SART3: variants seen among roughly 807,000 people sequenced by gnomAD.
The protein encoded by SART3 is HIV-1 Tat-interacting protein of 110kDa.
Under a neutral mutation model 122.3 loss-of-function variants are expected in SART3, and 44 were observed. The observed-to-expected ratio is 0.36, with a 90% CI of 0.28 to 0.46. The LOEUF is 0.46. Among genes scored for constraint, SART3 ranks in the 20% least tolerant of loss-of-function variants. The pLI, the probability that SART3 is intolerant of heterozygous loss-of-function variation, is 1.00. For synonymous variants in SART3, 442 were observed against 454.0 expected (o/e 0.97, Z 0.34); for missense variants, 1,101 against 1,229.0 (o/e 0.90, Z 1.56).
chr12:108,526,320 C>G lies in SART3; in HGVS notation c.2149G>C (p.Glu717Gln). 6.2e-7 allele frequency: 1 copy of G among 1,614,202 alleles called. No homozygotes were observed. The highest frequency in any genetic ancestry group is 8.5e-7 in the Non-Finnish European group (1 of 1,180,030). The change falls in exon 16 of 19, where the codon GAG becomes CAG. Residue 717 changes from glutamate (E) to glutamine (Q), a missense_variant. Physicochemically the swap from Glu to Gln is conservative, Grantham distance 29. Around this residue, in one of 2 missense-constraint regions of SART3, gnomAD observed 885 missense variants for 1,080.1 expected, o/e 0.82. Coordinates refer to ENST00000546815, the MANE Select transcript of SART3 (RefSeq NM_014706.4). Reference protein sequence around the residue: ...FVSNLPYSMQEPDTKLRPLFE... With the variant: ...FVSNLPYSMQQPDTKLRPLFE... Reference sequence around the variant, plus strand: ...AGTGGCCTGAGCTTCGTGTCCGGCTCCTGCATGCTGTAGGGCAGGTTGCTG... The same window carrying G: ...AGTGGCCTGAGCTTCGTGTCCGGCTGCTGCATGCTGTAGGGCAGGTTGCTG...
intron 13 of SART3, chr12:108,531,709 A>G: frequency 3.9e-6 from 1 of 258,298 alleles, no homozygotes; most frequent in East Asian, 9.8e-5. Flanking sequence ...TTATTTTTCT[A>G]TTGGTTCTAG....
intron 15 of SART3, 145 bp from the exon 16 acceptor site, chr12:108,526,698 G>A (rs918731154): frequency 2.0e-5 from 18 of 881,466 alleles, no homozygotes; most frequent in African/African-American, 1.5e-4. Flanking sequence ...GCACCACCCC[G>A]AGAAGTCTTT....
chr12:108,550,489 A>T (rs981512206), intron 1 of SART3, among the ~76,000 whole-genome samples: 1 of 152,246 alleles, frequency 6.6e-6, no homozygotes, highest in African/African-American at 2.4e-5. Context: ...GATACCATGT[A>T]AGTCAACTCC....
intron 6 of SART3, among the ~76,000 whole-genome samples, chr12:108,541,403 T>C (rs1198317864): frequency 6.6e-6 from 1 of 151,186 alleles, no homozygotes; most frequent in Non-Finnish European, 1.5e-5. Flanking sequence ...GAAACTCCAG[T>C]CTCAAAAAAA....
chr12:108,552,813 G>T (rs1185319419), intron 1 of SART3, among the ~76,000 whole-genome samples: 1 of 152,086 alleles, frequency 6.6e-6, no homozygotes, highest in African/African-American at 2.4e-5. Context: ...ATCCCAACAA[G>T]GTTTTTTGTA....
intron 9 of SART3, chr12:108,537,012 G>GC: frequency 1.8e-6 from 1 of 547,180 alleles, no homozygotes; most frequent in South Asian, 2.0e-5. Flanking sequence ...ACAGGGTGCT[G>GC]TGGGGGGGAG....
chr12:108,548,076 G>A (rs1268193420), intron 2 of SART3, 85 bp from the exon 3 acceptor site: 3 of 1,147,546 alleles, frequency 2.6e-6, no homozygotes, highest in Admixed American at 1.9e-5. Flanking sequence ...GCATGCAAAC[G>A]TTTCATCCAT....
chr12:108,544,782 C>T (rs1873327097), intron 4 of SART3: 2 of 577,200 alleles, frequency 3.5e-6, no homozygotes, highest in Non-Finnish European at 6.2e-6. Context: ...CCAGGCTGGT[C>T]TTGTACTCCT....
In SART3 at chr12:108,523,455, G is replaced by A. The variant is rs931789033; in HGVS notation, c.*2C>T. 32 of 1,612,086 alleles carry A rather than the reference G, an allele frequency of 2.0e-5. No homozygotes were observed. The African/African-American group carries it at 2.3e-4, about 11-fold the overall frequency. On this transcript the variant is annotated 3_prime_UTR_variant, in exon 19 of 19. Coordinates refer to ENST00000546815, the MANE Select transcript of SART3 (RefSeq NM_014706.4). ...GGCATTTCCTGTCTCCCAGCGTCCC[G>A]TTCACTTTCTCAGAAACAGCTTGGC...
intron 12 of SART3, among the ~76,000 whole-genome samples, chr12:108,534,363 G>T (rs909540868): frequency 1.3e-5 from 2 of 152,064 alleles, no homozygotes; most frequent in Non-Finnish European, 2.9e-5. Flanking sequence ...TTTAACAGTG[G>T]TTATCTCTGG....
chr12:108,560,969 C>G lies in SART3; in HGVS notation c.186G>C (p.Val62=). The change falls in exon 1 of 19, where the codon GTG becomes GTC. Residue 62 remains valine, a synonymous_variant. Coordinates refer to ENST00000546815, the MANE Select transcript of SART3 (RefSeq NM_014706.4). The part of the protein sequence containing the change: ...GPAWDQQEEG[V]SESDGDEYAM... ...CGTACTCATCCCCATCGCTCTCGCT[C>G]ACGCCTTCCTCCTGCTGATCCCACG... 6.2e-7 allele frequency: 1 copy of G among 1,614,124 alleles called. No homozygotes were observed. The highest frequency in any genetic ancestry group is 8.5e-7 in the Non-Finnish European group (1 of 1,180,004).
chr12:108,546,913 A>G (rs941935185), intron 3 of SART3, among the ~76,000 whole-genome samples: 3 of 151,136 alleles, frequency 2.0e-5, no homozygotes, highest in Non-Finnish European at 4.4e-5. Flanking sequence ...TCCACTTCCC[A>G]GGTTCAAGCA....
chr12:108,546,186 C>T (rs987697949), intron 3 of SART3, among the ~76,000 whole-genome samples: 2 of 152,012 alleles, frequency 1.3e-5, no homozygotes, highest in African/African-American at 2.4e-5. Flanking sequence ...GAAGAGGGTA[C>T]GAAATCTGAA....
chr12:108,557,882 G>A (rs1303806386), intron 1 of SART3, among the ~76,000 whole-genome samples: 1 of 152,180 alleles, frequency 6.6e-6, no homozygotes, highest in African/African-American at 2.4e-5. Flanking sequence ...ATATAATCAA[G>A]GCCACGTGCA....
chr12:108,556,574 C>A lies in SART3; in HGVS notation c.312+4269G>T, dbSNP rs79060449. 4.9e-3 allele frequency among the ~76,000 whole-genome samples: 751 copies of A among 152,332 alleles called. 8 individuals carry two copies. The highest frequency in any genetic ancestry group is 0.016 in the African/African-American group (669 of 41,572). ...AAGCTGAACTCATCCGATGATCACA[C>A]GATAGGCTGAAAAGCACTGGACCAG... On this transcript the variant is annotated intron_variant, in intron 1 of 18. Transcript: ENST00000546815.
At chr12:108,524,023 A>G in intron 18 of SART3, 1 of 555,200 alleles carries the variant, frequency 1.8e-6, no homozygotes, top group Non-Finnish European at 3.2e-6. Flanking sequence ...TTCTTTGTAA[A>G]CACACAGATC....
rs1369833910 is a variant in SART3 at position 108,547,823 on chromosome 12, C to A, written c.544+64G>T. Reference sequence around the variant, plus strand: ...GGGTAGCAACATCTCATAATACAGTCCTCAACAGCAGACTGATATATATGA... The same window carrying A: ...GGGTAGCAACATCTCATAATACAGTACTCAACAGCAGACTGATATATATGA... On this transcript the variant is annotated intron_variant, in intron 3 of 18. Transcript: ENST00000546815. 7.5e-6 allele frequency: 9 copies of A among 1,203,646 alleles called. No individual in the cohort carries two copies. The South Asian group carries it at 1.1e-4, about 15-fold the overall frequency. 74.6% of individuals were successfully genotyped at this position (1,203,646 alleles called of 1,614,324 possible).
intron 9 of SART3, 181 bp downstream of exon 9, chr12:108,537,307 T>C: frequency 1.6e-6 from 1 of 612,960 alleles, no homozygotes; most frequent in Admixed American, 2.4e-5. Flanking sequence ...TCTCTTGCTT[T>C]ACAATCCACA....
At chr12:108,542,995 G>C (rs758883869) in intron 6 of SART3, 33 bp downstream of exon 6, 2 of 1,613,984 alleles carry the variant, frequency 1.2e-6, no homozygotes, top group Non-Finnish European at 1.7e-6. Context: ...GGTTTGTAGA[G>C]AGACGTTTAC....
Sources: allele counts gnomAD v4.1 joint callset (sites outside exome capture counted in the v4.1 genomes callset), GRCh38; gene constraint gnomAD v4.1.1; regional missense constraint gnomAD v4.1.1; transcripts MANE v1.5; gene names NCBI Gene and HGNC (gene_info 2026-07-23, HGNC 2026-07-21).